KRIT1: variants seen among roughly 807,000 people sequenced by gnomAD.
The protein encoded by KRIT1 is KRIT1 ankyrin repeat containing.
In KRIT1, 45 loss-of-function variants were observed where a neutral mutation model predicts 95.8. The observed-to-expected ratio is 0.47, with a 90% CI of 0.37 to 0.60. KRIT1 has a LOEUF of 0.60. Ranked by LOEUF, KRIT1 falls within the 20% of genes least tolerant of loss-of-function variation. The pLI is 0.00. For missense variants in KRIT1, 788 were observed against 877.5 expected, an observed-to-expected ratio of 0.90 and a Z score of 1.29; for synonymous variants, 282 against 278.8, an observed-to-expected ratio of 1.01 and a Z score of -0.11.
rs1433891984 is a variant in KRIT1 at position 92,200,802 on chromosome 7, A to G, written c.2145T>C (p.Ala715=). 1 of 1,593,262 alleles carries G rather than the reference A, an allele frequency of 6.3e-7. No homozygotes were observed. The highest frequency in any genetic ancestry group is 8.6e-7 in the Non-Finnish European group (1 of 1,161,174). ...KMSFIVHTKQ[A]GLVVKLLMKL... ...TCATTAACAGTTTTACCACGAGACC[A>G]GCCTACAAAGTAAAACATGTCAATA... The change falls in exon 19 of 19, where the codon GCT becomes GCC. Residue 715 remains alanine (A), a splice_region_variant and synonymous_variant. Transcript: ENST00000394505.
Position 92,201,364 on chromosome 7 carries a change from A to G in KRIT1, c.2085T>C (p.Thr695=). ...CFMWQLGDTD[T]CFQIHSMENK... is the part of the protein sequence containing the mutation. ...TTTCCATGCTATGGATCTGAAAACA[A>G]GTATCAGTATCTCCCAATTGCCACA... Residue 695 remains threonine, a synonymous_variant, in exon 18 of 19, where the codon ACT becomes ACC. Coordinates refer to ENST00000394505, the MANE Select transcript of KRIT1 (RefSeq NM_194454.3). 6.2e-7 allele frequency: 1 copy of G among 1,601,060 alleles called. No individual in the cohort carries two copies. Among genetic ancestry groups the G allele is most frequent in the Non-Finnish European group, 8.6e-7 (1 of 1,168,278 alleles).
intron 17 of KRIT1, among the ~76,000 whole-genome samples, chr7:92,211,585 C>T (rs1278915274): frequency 6.6e-6 from 1 of 151,936 alleles, no homozygotes; most frequent in Non-Finnish European, 1.5e-5. Context: ...GAATAAGTTG[C>T]CGTGTTTCAT....
At chr7:92,231,986 C>A (rs1036307931) in intron 10 of KRIT1, among the ~76,000 whole-genome samples, 1 of 152,096 alleles carries the variant, frequency 6.6e-6, no homozygotes, top group Non-Finnish European at 1.5e-5. Context: ...GGCTGGAGTG[C>A]GGTGGTGGGA....
chr7:92,202,025 T>C (rs1790285995), intron 17 of KRIT1, among the ~76,000 whole-genome samples: 1 of 152,210 alleles, frequency 6.6e-6, no homozygotes, highest in Admixed American at 6.5e-5. Flanking sequence ...CTACCTTTAT[T>C]TTCTTTCTGC....
At chr7:92,237,946 G>A (rs1798775012) in intron 5 of KRIT1, among the ~76,000 whole-genome samples, 187 bp from the exon 6 acceptor site, 1 of 152,130 alleles carries the variant, frequency 6.6e-6, no homozygotes, top group African/African-American at 2.4e-5. Context: ...GACAATCCTT[G>A]TAGATTTAGG....
In KRIT1 at chr7:92,236,438, C is replaced by T. The variant is rs754876157; in HGVS notation, c.460G>A (p.Ala154Thr). Residue 154 changes from alanine to threonine, a missense_variant, in exon 7 of 19, where the codon GCA (alanine) becomes ACA (threonine). This residue lies in a region of KRIT1 where 289 missense variants were observed against 277.5 expected (regional missense o/e 1.04). Transcript: ENST00000394505. ...TTATCCAAGGCTATTAACATCCTTG[C>T]TGTAAGTGTAGCAAAATGAGTACTG... ...ESSTHFATLTARMLIALDKWL... is the reference protein window; with the variant it reads ...ESSTHFATLTTRMLIALDKWL... 7 of 1,605,444 alleles carry T rather than the reference C, an allele frequency of 4.4e-6. 1 individual carries two copies. The highest frequency in any genetic ancestry group is 3.3e-4 in the Middle Eastern group (2 of 6,034).
Position 92,222,807 on chromosome 7 carries a change from T to C in KRIT1, c.1411+15A>G, listed in dbSNP as rs1289483511. On this transcript the variant is annotated intron_variant, in intron 13 of 18. Coordinates refer to ENST00000394505, the MANE Select transcript of KRIT1 (RefSeq NM_194454.3). ...AATAATGAGGTTTACTATAACATAA[T>C]AAAAACTTTCTTACTGAGGTTTTCT... 1 of 1,538,482 alleles carries C rather than the reference T, an allele frequency of 6.5e-7. No individual in the cohort carries two copies. The highest frequency in any genetic ancestry group is 9.0e-7 in the Non-Finnish European group (1 of 1,111,894).
At chr7:92,235,795 T>G (rs1798326572) in intron 7 of KRIT1, 149 bp from the exon 8 acceptor site, 1 of 694,134 alleles carries the variant, frequency 1.4e-6, no homozygotes, top group Non-Finnish European at 2.3e-6. Flanking sequence ...TACTTTATTA[T>G]TTTTAAAATT....
At position 92,235,464 on chromosome 7, in the gene KRIT1, T is replaced by G; in HGVS notation, c.668A>C (p.Glu223Ala). ...GTTGTAAATACAGGTATCTGCTTTC[T>G]CTAGGGCTAACATTTTACTCTTTAT... ...LEIKSKMLAL[E>A]KADTCIYNPL... The change falls in exon 8 of 19, where the codon GAG (glutamate) becomes GCG (alanine). Residue 223 changes from glutamate (E) to alanine (A), a missense_variant. Coordinates refer to ENST00000394505, the MANE Select transcript of KRIT1 (RefSeq NM_194454.3). 6.2e-7 allele frequency: 1 copy of G among 1,613,690 alleles called. No individual in the cohort carries two copies. The highest frequency in any genetic ancestry group is 1.3e-5 in the African/African-American group (1 of 75,076).
intron 10 of KRIT1, among the ~76,000 whole-genome samples, chr7:92,228,612 C>T (rs1796677145): frequency 6.6e-6 from 1 of 152,090 alleles, no homozygotes; most frequent in Non-Finnish European, 1.5e-5. Context: ...ATTTTAGACT[C>T]TGGGGTACAT....
At chr7:92,235,279 C>A in intron 8 of KRIT1, 124 bp downstream of exon 8, 2 of 975,044 alleles carry the variant, frequency 2.1e-6, no homozygotes, top group Non-Finnish European at 3.1e-6. Flanking sequence ...GGATTACAGG[C>A]GTGAGCCACT....
intron 11 of KRIT1, 33 bp downstream of exon 11, chr7:92,226,493 A>G: frequency 2.6e-6 from 4 of 1,526,126 alleles, no homozygotes; most frequent in African/African-American, 1.4e-5. Flanking sequence ...CACTGCTTGA[A>G]TATTATTTTT....
At chr7:92,201,896 G>C (rs1253680696) in intron 17 of KRIT1, among the ~76,000 whole-genome samples, 1 of 152,142 alleles carries the variant, frequency 6.6e-6, no homozygotes, top group Non-Finnish European at 1.5e-5. Flanking sequence ...CTGCAGCACA[G>C]AATCACATAG....
chr7:92,226,783 C>A, intron 10 of KRIT1, 101 bp from the exon 11 acceptor site: 1 of 1,021,632 alleles, frequency 9.8e-7, no homozygotes, highest in South Asian at 1.4e-5. Flanking sequence ...GATGATATCT[C>A]AAAGAAATCT....
intron 17 of KRIT1, among the ~76,000 whole-genome samples, chr7:92,203,393 T>C (rs912225620): frequency 6.6e-6 from 1 of 152,222 alleles, no homozygotes; most frequent in Non-Finnish European, 1.5e-5. Context: ...ATCAGTGGTT[T>C]ACAGAGAACA....
intron 11 of KRIT1, among the ~76,000 whole-genome samples, chr7:92,226,325 T>G (rs542437072): frequency 1.3e-5 from 2 of 152,018 alleles, no homozygotes; most frequent in Non-Finnish European, 2.9e-5. Flanking sequence ...AAAAAAAAAA[T>G]ATGTTCAAAA....
rs544188869 is a variant in KRIT1, at chr7:92,239,304, A to T, written c.263-1545T>A. On this transcript the variant is annotated intron_variant, in intron 5 of 18. Transcript: ENST00000394505. ...CTTCCATATCCCTCTGGGTAAATGGACCTAGTGGCTGAGCTTATTTAATTC... is the reference window on the plus strand; with the variant it reads ...CTTCCATATCCCTCTGGGTAAATGGTCCTAGTGGCTGAGCTTATTTAATTC... 6.6e-5 allele frequency among the ~76,000 whole-genome samples: 10 copies of T among 152,276 alleles called. No homozygotes were observed. In the South Asian group the frequency reaches 2.1e-3, roughly 32 times the overall value.
intron 13 of KRIT1, among the ~76,000 whole-genome samples, chr7:92,222,381 T>A (rs1268773996): frequency 2.6e-5 from 4 of 152,138 alleles, no homozygotes; most frequent in African/African-American, 7.2e-5. Flanking sequence ...ACCAATCACA[T>A]CGATCAAATT....
intron 11 of KRIT1, among the ~76,000 whole-genome samples, chr7:92,226,324 AT>A (rs1301098737): frequency 6.6e-6 from 1 of 152,154 alleles, no homozygotes; most frequent in Admixed American, 6.5e-5. Flanking sequence ...TAAAAAAAAA[AT>A]ATGTTCAAAA....
Sources: allele counts gnomAD v4.1 joint callset (sites outside exome capture counted in the v4.1 genomes callset), GRCh38; gene constraint gnomAD v4.1.1; regional missense constraint gnomAD v4.1.1; transcripts MANE v1.5; gene names NCBI Gene and HGNC (gene_info 2026-07-23, HGNC 2026-07-21).